GRID2: variants seen among roughly 807,000 people sequenced by gnomAD.
GRID2 encodes glutamate ionotropic receptor delta type subunit 2.
In GRID2, 33 loss-of-function variants were observed where a neutral mutation model predicts 114.8. The ratio of observed to expected loss-of-function variants is 0.29; its 90% CI spans 0.22 to 0.38. The LOEUF is 0.38. GRID2 is among the 10% of genes least tolerant of loss of function. The pLI, the probability that GRID2 is intolerant of heterozygous loss-of-function variation, is 1.00. For missense variants in GRID2, 1,184 were observed against 1,257.7 expected (o/e 0.94, Z 0.89); for synonymous variants, 505 against 449.9 (o/e 1.12, Z -1.55).
chr4:93,726,708 G>T (rs1393492995), intron 14 of GRID2, among the ~76,000 whole-genome samples: 1 of 152,186 alleles, frequency 6.6e-6, no homozygotes, highest in South Asian at 2.1e-4. Flanking sequence ...CACATCTCTT[G>T]TAAGTTGAAT....
rs183132290 is a variant in GRID2 at position 93,198,572 on chromosome 4, T to C, written c.736-8832T>C. On this transcript the variant is annotated intron_variant, in intron 4 of 15. Transcript: ENST00000282020. The stretch of plus-strand genomic sequence containing the variant: ...TGGCCCTCACAGCCACTTACATAGT[T>C]ATCTACGATTTCATTAAGGCTGGGA... Among the ~76,000 whole-genome samples, 831 of 152,252 alleles carry C rather than the reference T, an allele frequency of 5.5e-3. 3 individuals are homozygous for C. Among genetic ancestry groups the C allele is most frequent in the Non-Finnish European group, 8.6e-3 (586 of 67,996 alleles).
intron 14 of GRID2, among the ~76,000 whole-genome samples, chr4:93,732,630 G>A (rs1730584597): frequency 6.6e-6 from 1 of 152,030 alleles, no homozygotes; most frequent in East Asian, 1.9e-4. Context: ...AAATGGCTGA[G>A]GCTCTTTTAT....
At chr4:93,270,254 ACACACG>A (rs1411779385) in intron 8 of GRID2, among the ~76,000 whole-genome samples, 24 of 144,348 alleles carry the variant, frequency 1.7e-4, no homozygotes, top group African/African-American at 6.3e-4. Context: ...ACACACACAC[ACACACG>A]AGGTTGCAGG....
At chr4:92,632,497 G>A (rs1730856545) in intron 2 of GRID2, among the ~76,000 whole-genome samples, 1 of 152,056 alleles carries the variant, frequency 6.6e-6, no homozygotes, top group African/African-American at 2.4e-5. Context: ...GCTGGTCATA[G>A]TGGCACACAC....
chr4:92,568,356 C>A (rs1380637419), intron 1 of GRID2, among the ~76,000 whole-genome samples: 2 of 151,912 alleles, frequency 1.3e-5, no homozygotes, highest in Non-Finnish European at 2.9e-5. Context: ...TGTCGAGATG[C>A]CATTCAAGGC....
intron 2 of GRID2, among the ~76,000 whole-genome samples, chr4:92,988,570 C>G (rs907359012): frequency 1.3e-5 from 2 of 152,054 alleles, no homozygotes; most frequent in Admixed American, 6.5e-5. Context: ...AACCATGAAT[C>G]AGAGATCATT....
chr4:93,688,353 T>C (rs891388932), intron 14 of GRID2, among the ~76,000 whole-genome samples: 2 of 151,978 alleles, frequency 1.3e-5, no homozygotes, highest in Non-Finnish European at 2.9e-5. Context: ...TCACTGCTAC[T>C]TGATGCTTGC....
At chr4:92,604,526 AC>A (rs138119452) in intron 2 of GRID2, among the ~76,000 whole-genome samples, 8,513 of 151,602 alleles carry the variant, frequency 0.056, 279 homozygotes, top group East Asian at 0.12. Context: ...CAGGGAGGGG[AC>A]TTTTGGGGGT....
At chr4:92,384,647 A>ATATTATATATAATATATATTATATGTT (rs1560599311) in intron 1 of GRID2, among the ~76,000 whole-genome samples, 2 of 37,092 alleles carry the variant, frequency 5.4e-5, no homozygotes, top group Non-Finnish European at 1.3e-4. Context: ...TATTATATAT[A>ATATTATATATAATATATATTATATGTT]ATATATAGAC....
chr4:93,781,251 T>C (rs1286491326), intron 1 of GRID2, among the ~76,000 whole-genome samples: 7 of 152,174 alleles, frequency 4.6e-5, no homozygotes, highest in Admixed American at 4.6e-4. Context: ...TGAGGGATCA[T>C]CTAGAGTCCA....
intron 2 of GRID2, among the ~76,000 whole-genome samples, chr4:92,802,933 C>A (rs1175855948): frequency 6.6e-6 from 1 of 151,860 alleles, no homozygotes; most frequent in East Asian, 1.9e-4. Context: ...ATATGTAGAA[C>A]CATATGTGAA....
At chr4:92,917,788 C>A (rs1748935181) in intron 2 of GRID2, among the ~76,000 whole-genome samples, 1 of 152,242 alleles carries the variant, frequency 6.6e-6, no homozygotes, top group East Asian at 1.9e-4. Flanking sequence ...TAGCGTGATG[C>A]CTCCAGCTTT....
At chr4:92,590,900 C>A (rs1413591258) in intron 2 of GRID2, among the ~76,000 whole-genome samples, 1 of 152,156 alleles carries the variant, frequency 6.6e-6, no homozygotes, top group Non-Finnish European at 1.5e-5. Context: ...ATATTGGAAT[C>A]ATCATTCCTA....
At chr4:92,591,651 T>A (rs1728710872) in intron 2 of GRID2, among the ~76,000 whole-genome samples, 1 of 152,160 alleles carries the variant, frequency 6.6e-6, no homozygotes, top group Non-Finnish European at 1.5e-5. Flanking sequence ...ATCTGCTTGA[T>A]GCGCAGGTAA....
At chr4:92,552,878 T>C (rs1726665013) in intron 1 of GRID2, among the ~76,000 whole-genome samples, 1 of 152,206 alleles carries the variant, frequency 6.6e-6, no homozygotes, top group Admixed American at 6.5e-5. Context: ...ATCTCAGGCA[T>C]AGCTGAACAA....
At chr4:92,490,262 G>C (rs1723088514) in intron 1 of GRID2, among the ~76,000 whole-genome samples, 1 of 152,142 alleles carries the variant, frequency 6.6e-6, no homozygotes, top group African/African-American at 2.4e-5. Context: ...AAAATTAAAA[G>C]ATGCATTTGG....
At chr4:92,893,237 G>C (rs116144761) in intron 2 of GRID2, among the ~76,000 whole-genome samples, 16 of 152,080 alleles carry the variant, frequency 1.1e-4, no homozygotes, top group Non-Finnish European at 2.4e-4. Flanking sequence ...GTTTAAACCC[G>C]TGACTAGCAG....
At chr4:93,297,620 C>T (rs1247221392) in intron 8 of GRID2, among the ~76,000 whole-genome samples, 3 of 152,106 alleles carry the variant, frequency 2.0e-5, no homozygotes, top group Non-Finnish European at 4.4e-5. Context: ...ATCTACTCAT[C>T]TGGAAAACTG....
chr4:93,772,441 A>T lies in GRID2; in HGVS notation c.2967A>T (p.Pro989=). The T allele has an allele frequency of 6.2e-7, 1 of 1,613,090 alleles. No individual in the cohort carries two copies. The highest frequency in any genetic ancestry group is 1.7e-5 in the Admixed American group (1 of 59,958). Residue 989 remains proline, a synonymous_variant, in exon 16 of 16, where the codon CCA becomes CCT. Transcript: ENST00000282020. ...CAATGTCATCTATTCCTTATCAACC[A>T]ACTCCTACCCTGGGGCTCAATCTGG... ...IKTMSSIPYQ[P]TPTLGLNLGN...
Sources: gnomAD v4.1 joint callset for allele counts (sites outside exome capture counted in the v4.1 genomes callset) on GRCh38, gnomAD v4.1.1 for gene constraint, MANE v1.5 for transcripts, NCBI Gene and HGNC (gene_info 2026-07-23, HGNC 2026-07-21) for gene names.